The following ADAMTS1 variants were observed in gnomAD, a reference collection of about 807,000 sequenced individuals.
ADAMTS1 encodes the protein A disintegrin and metalloproteinase with thrombospondin motifs 1.
ADAMTS1 carries 19 observed loss-of-function variants against 87.9 expected under a neutral mutation model. That is an observed-to-expected ratio of 0.22 (90% CI 0.15 to 0.32). The LOEUF is 0.32. Among genes scored for constraint, ADAMTS1 ranks in the 10% least tolerant of loss-of-function variants. The pLI, the probability that ADAMTS1 is intolerant of heterozygous loss-of-function variation, is 1.00. For synonymous variants in ADAMTS1, 542 were observed against 501.8 expected (o/e 1.08, Z -1.07); for missense variants, 1,240 against 1,259.1 (o/e 0.98, Z 0.23).
chr21:26,840,494 C>T lies in ADAMTS1; in HGVS notation c.1447G>A (p.Asp483Asn), dbSNP rs760991510. The T allele has an allele frequency of 7.4e-6, 12 of 1,614,106 alleles. No individual in the cohort carries two copies. The highest frequency in any genetic ancestry group is 1.7e-5 in the Admixed American group (1 of 60,006). The change falls in exon 5 of 9, where the codon GAT (aspartate) becomes AAT (asparagine). Residue 483 changes from aspartate to asparagine, a missense_variant. Coordinates refer to ENST00000284984, the MANE Select transcript of ADAMTS1 (RefSeq NM_006988.5). The stretch of plus-strand genomic sequence containing the variant: ...GTAAACTGGCACTGCCGGTTGGCAT[C>T]GTACGAGGTGCCAGGGAGATCGCCT... ...LPGDLPGTSY[D>N]ANRQCQFTFG...
chr21:26,844,556 G>A lies in ADAMTS1; in HGVS notation c.399C>T (p.Pro133=). Reference sequence around the variant, plus strand: ...AGAGGCTGAGGGCGGCAGCCGAGCTGGGATCGCCATTCACGGTGCCGGAGT... The same window carrying A: ...AGAGGCTGAGGGCGGCAGCCGAGCTAGGATCGCCATTCACGGTGCCGGAGT... ...CFYSGTVNGD[P]SSAAALSLCE... The change falls in exon 1 of 9, where the codon CCC becomes CCT. Residue 133 remains proline (P), a synonymous_variant. Transcript: ENST00000284984. The A allele has an allele frequency of 6.2e-7, 1 of 1,609,996 alleles. No individual in the cohort carries two copies. Among genetic ancestry groups the A allele is most frequent in the Middle Eastern group, 1.7e-4 (1 of 6,056 alleles).
At chr21:26,840,932 C>T in intron 4 of ADAMTS1, 66 bp downstream of exon 4, 1 of 1,527,258 alleles carries the variant, frequency 6.5e-7, no homozygotes, top group Non-Finnish European at 8.9e-7. Context: ...GGAAAGAGTT[C>T]ATTTAACTAA....
Position 26,838,528 on chromosome 21 carries a change from T to C in ADAMTS1, c.2115A>G (p.Ile705Met). 1 of 1,614,186 alleles carries C rather than the reference T, an allele frequency of 6.2e-7. No individual in the cohort carries two copies. The highest frequency in any genetic ancestry group is 1.1e-5 in the South Asian group (1 of 91,074). ...QCVKAGCDRI[I>M]DSKKKFDKCG... ...ATTTATCAAACTTCTTTTTGGAGTC[T>C]ATGATGCGATCACAACCAGCTTTTA... The change falls in exon 8 of 9, where the codon ATA becomes ATG. Residue 705 changes from isoleucine to methionine, a missense_variant. By Grantham distance (10) the Ile-to-Met change is conservative (BLOSUM62 1). Around this residue, in one of 3 missense-constraint regions of ADAMTS1, gnomAD observed 402 missense variants for 399.1 expected, o/e 1.01. Transcript: ENST00000284984.
At chr21:26,840,143 G>T (rs1985461547) in intron 5 of ADAMTS1, 82 bp from the exon 6 acceptor site, 3 of 1,549,230 alleles carry the variant, frequency 1.9e-6, no homozygotes, top group African/African-American at 1.4e-5. Context: ...ATGGGACAAA[G>T]AATCAGTTCT....
rs1434364156 is a variant in ADAMTS1, at chr21:26,841,996, A to G, written c.1078-6T>C. 3.1e-6 allele frequency: 5 copies of G among 1,613,140 alleles called. No homozygotes were observed. The highest frequency in any genetic ancestry group is 1.7e-5 in the Admixed American group (1 of 59,802). ...GTCTGGGACCCACACAAGTCCTACA[A>G]AAAGCAAAGGTAAATACTTATTAAT... On this transcript the variant is annotated splice_polypyrimidine_tract_variant and splice_region_variant and intron_variant, in intron 2 of 8. Coordinates refer to ENST00000284984, the MANE Select transcript of ADAMTS1 (RefSeq NM_006988.5).
Position 26,840,167 on chromosome 21 carries a change from C to T in ADAMTS1, c.1666-106G>A. ...AGAATCAGTTCTAAAAATAAGCTAT[C>T]TCGCATTCCTGCTAGAGGACACGGA... On this transcript the variant is annotated intron_variant, in intron 5 of 8. Coordinates refer to ENST00000284984, the MANE Select transcript of ADAMTS1 (RefSeq NM_006988.5). The T allele has an allele frequency of 8.4e-6, 13 of 1,549,054 alleles. No homozygotes were observed. In the South Asian group the frequency reaches 1.6e-4, roughly 19 times the overall value.
Position 26,837,510 on chromosome 21 carries a change from T to C in ADAMTS1, c.*69A>G, listed in dbSNP as rs1298655700. Reference sequence around the variant, plus strand: ...CAAGATACGCTGGATCCCTCCAGCCTTCTTGCTTTCCCTGCACCAGCCCTT... The same window carrying C: ...CAAGATACGCTGGATCCCTCCAGCCCTCTTGCTTTCCCTGCACCAGCCCTT... On this transcript the variant is annotated 3_prime_UTR_variant, in exon 9 of 9. Transcript: ENST00000284984. The C allele has an allele frequency of 5.6e-6, 8 of 1,420,474 alleles. No individual in the cohort carries two copies. The highest frequency in any genetic ancestry group is 7.9e-6 in the Non-Finnish European group (8 of 1,019,072). The allele number at this position is 1,420,474 out of a possible 1,614,324, so 88.0% of individuals were successfully genotyped here.
At chr21:26,839,823 G>C in intron 6 of ADAMTS1, 52 bp downstream of exon 6, 1 of 1,605,066 alleles carries the variant, frequency 6.2e-7, no homozygotes, top group Non-Finnish European at 8.5e-7. Context: ...CTGTTTGTGG[G>C]TACATCTTTT....
Position 26,844,446 on chromosome 21 carries a change from G to A in ADAMTS1, c.509C>T (p.Thr170Ile). 1 of 1,587,564 alleles carries A rather than the reference G, an allele frequency of 6.3e-7. No homozygotes were observed. The highest frequency in any genetic ancestry group is 1.1e-5 in the South Asian group (1 of 88,148). The part of the protein sequence containing the change: ...PLPAASERLA[T>I]AAPGEKPPAP... ...CGGCGGCTTCTCCCCTGGGGCGGCG[G>A]TGGCGAGGCGCTCGCTGGCGGCGGG... is the stretch of plus-strand genomic sequence containing the variant. Residue 170 changes from threonine to isoleucine, a missense_variant, in exon 1 of 9, where the codon ACC becomes ATC. By Grantham distance (89) the Thr-to-Ile change is moderately conservative. Transcript: ENST00000284984.
Position 26,844,507 on chromosome 21 carries a change from A to G in ADAMTS1, c.448T>C (p.Tyr150His). 2 of 1,596,996 alleles carry G rather than the reference A, an allele frequency of 1.3e-6. No homozygotes were observed. Among genetic ancestry groups the G allele is most frequent in the Non-Finnish European group, 1.7e-6 (2 of 1,172,296 alleles). Residue 150 changes from tyrosine (Y) to histidine (H), a missense_variant, in exon 1 of 9, where the codon TAC becomes CAC. Tyr to His is a moderately conservative substitution (Grantham distance 83). Around this residue, in one of 3 missense-constraint regions of ADAMTS1, gnomAD observed 521 missense variants for 449.7 expected, o/e 1.16. Transcript: ENST00000284984. ...ATGAAATACGCCTCCCCCAGCAGGT[A>G]GAAGGCGCCGCGCACGCCCTCGCAG... ...SLCEGVRGAF[Y>H]LLGEAYFIQP...
intron 2 of ADAMTS1, 110 bp downstream of exon 2, chr21:26,842,229 T>TA (rs1291515667): frequency 2.6e-6 from 3 of 1,148,288 alleles, no homozygotes; most frequent in Non-Finnish European, 3.7e-6. Flanking sequence ...GCTAGCCAAT[T>TA]AAAAAAGGTT....
chr21:26,840,515 C>T lies in ADAMTS1; in HGVS notation c.1426G>A (p.Asp476Asn), dbSNP rs765139475. 15 of 1,614,088 alleles carry T rather than the reference C, an allele frequency of 9.3e-6. No homozygotes were observed. In the Admixed American group the frequency reaches 1.3e-4, roughly 14 times the overall value. The stretch of plus-strand genomic sequence containing the variant: ...GCATCGTACGAGGTGCCAGGGAGAT[C>T]GCCTGGGAGCTGTATGGGATTCTGA... ...KPQNPIQLPGDLPGTSYDANR... is the reference protein window; with the variant it reads ...KPQNPIQLPGNLPGTSYDANR... The change falls in exon 5 of 9, where the codon GAT (aspartate) becomes AAT (asparagine). Residue 476 changes from aspartate to asparagine, a missense_variant. Around this residue, in one of 3 missense-constraint regions of ADAMTS1, gnomAD observed 317 missense variants for 410.3 expected, o/e 0.77. Coordinates refer to ENST00000284984, the MANE Select transcript of ADAMTS1 (RefSeq NM_006988.5).
rs1206345116 is a variant in ADAMTS1 at position 26,840,066 on chromosome 21, A to G, written c.1666-5T>C. The G allele has an allele frequency of 6.2e-7, 1 of 1,611,724 alleles. No individual in the cohort carries two copies. The highest frequency in any genetic ancestry group is 8.5e-7 in the Non-Finnish European group (1 of 1,179,334). Reference sequence around the variant, plus strand: ...CCAGCTTCCATGAAAAGGCGTCTAAATGGAGACATAAATCATCAGCATTAG... The same window carrying G: ...CCAGCTTCCATGAAAAGGCGTCTAAGTGGAGACATAAATCATCAGCATTAG... On this transcript the variant is annotated splice_region_variant and splice_polypyrimidine_tract_variant and intron_variant, in intron 5 of 8. Transcript: ENST00000284984.
rs375553171 is a variant in ADAMTS1, at chr21:26,841,072, G to T, written c.1304C>A (p.Ser435Tyr). ...QDSHMMASMLSNLDHSQPWSP... is the reference protein window; with the variant it reads ...QDSHMMASMLYNLDHSQPWSP... ...CCAAGGCTGGCTGTGGTCCAGGTTG[G>T]AAAGCATTGACGCCATCATGTGGGA... is the stretch of plus-strand genomic sequence containing the variant. Residue 435 changes from serine (S) to tyrosine (Y), a missense_variant, in exon 4 of 9, where the codon TCC (serine) becomes TAC (tyrosine). Coordinates refer to ENST00000284984, the MANE Select transcript of ADAMTS1 (RefSeq NM_006988.5). The T allele has an allele frequency of 1.3e-5, 21 of 1,614,096 alleles. No individual in the cohort carries two copies. Among genetic ancestry groups the T allele is most frequent in the East Asian group, 2.2e-5 (1 of 44,890 alleles).
intron 2 of ADAMTS1, 84 bp from the exon 3 acceptor site, chr21:26,842,074 A>G (rs1237935995): frequency 3.4e-6 from 5 of 1,468,714 alleles, no homozygotes; most frequent in African/African-American, 2.8e-5. Flanking sequence ...GTGCCTTCAC[A>G]TATGCTTTGG....
rs1985455881 is a variant in ADAMTS1 at position 26,839,939 on chromosome 21, C to G, written c.1788G>C (p.Lys596Asn). 3 of 1,614,132 alleles carry G rather than the reference C, an allele frequency of 1.9e-6. No homozygotes were observed. Among genetic ancestry groups the G allele is most frequent in the Non-Finnish European group, 2.5e-6 (3 of 1,180,040 alleles). The change falls in exon 6 of 9, where the codon AAG (lysine) becomes AAC (asparagine). Residue 596 changes from lysine to asparagine, a missense_variant. Lys to Asn is a moderately conservative substitution (Grantham distance 94). Coordinates refer to ENST00000284984, the MANE Select transcript of ADAMTS1 (RefSeq NM_006988.5). The part of the protein sequence containing the change: ...CDNPVPKNGG[K>N]YCEGKRVRYR... ...AGCGCACTCGTTTGCCTTCACAGTA[C>G]TTCCCTCCATTCTTTGGGACTGGGT...
Position 26,839,507 on chromosome 21 carries a change from A to G in ADAMTS1, c.2028+80T>C, listed in dbSNP as rs2123317087. The G allele has an allele frequency of 3.1e-6, 4 of 1,305,460 alleles. No homozygotes were observed. The East Asian group carries it at 7.2e-5, about 24-fold the overall frequency. The allele number at this position is 1,305,460 out of a possible 1,614,324, so 80.9% of individuals were successfully genotyped here. A position where few individuals can be genotyped will look rare whatever the true frequency, so the allele number is the denominator to read the frequency against. ...AGATATGTTAATATGGAAAGCAAAG[A>G]AAGTATAACAAAAATTGTTTGAAAA... is the stretch of plus-strand genomic sequence containing the variant. On this transcript the variant is annotated intron_variant, in intron 7 of 8. Coordinates refer to ENST00000284984, the MANE Select transcript of ADAMTS1 (RefSeq NM_006988.5).
rs750878208 is a variant in ADAMTS1 at position 26,837,739 on chromosome 21, C to A, written c.2744G>T (p.Gly915Val). The change falls in exon 9 of 9, where the codon GGG becomes GTG. Residue 915 changes from glycine to valine, a missense_variant. Gly to Val is a moderately radical substitution (Grantham distance 109). Coordinates refer to ENST00000284984, the MANE Select transcript of ADAMTS1 (RefSeq NM_006988.5). The part of the protein sequence containing the change: ...ADHPCPQWQL[G>V]EWSSCSKTCG... ...GGTCTTAGAACATGATGACCACTCCCCCAGCTGCCACTGGGGGCAGGGATG... is the reference window on the plus strand; with the variant it reads ...GGTCTTAGAACATGATGACCACTCCACCAGCTGCCACTGGGGGCAGGGATG... 3 of 1,614,200 alleles carry A rather than the reference C, an allele frequency of 1.9e-6. No individual in the cohort carries two copies. The highest frequency in any genetic ancestry group is 2.5e-6 in the Non-Finnish European group (3 of 1,180,036).
chr21:26,843,330 G>A (rs1010833001), intron 1 of ADAMTS1: 6 of 390,184 alleles, frequency 1.5e-5, no homozygotes, highest in South Asian at 8.2e-5. Flanking sequence ...CTTCCACTCC[G>A]GACTGAGACC....
Sources: allele counts gnomAD v4.1 joint callset, GRCh38; gene constraint gnomAD v4.1.1; regional missense constraint gnomAD v4.1.1; transcripts MANE v1.5; gene names NCBI Gene and HGNC (gene_info 2026-07-23, HGNC 2026-07-21).